The following PTPRM variants were observed in gnomAD, a reference collection of about 807,000 sequenced individuals.
PTPRM encodes receptor-type tyrosine-protein phosphatase mu.
Under a neutral mutation model 186.7 loss-of-function variants are expected in PTPRM, and 47 were observed. The ratio of observed to expected loss-of-function variants is 0.25; its 90% confidence interval spans 0.20 to 0.32. The LOEUF (loss-of-function observed/expected upper bound fraction) is 0.32, where lower values mean the gene tolerates loss of function less well. Ranked by LOEUF, PTPRM falls within the 10% of genes least tolerant of loss-of-function variation. The pLI, the probability that PTPRM is intolerant of heterozygous loss-of-function variation, is 1.00. For missense variants in PTPRM, 1,494 were observed against 1,865.0 expected (o/e 0.80, Z 3.66); for synonymous variants, 668 against 674.9 (o/e 0.99, Z 0.16).
intron 1 of PTPRM, among the ~76,000 whole-genome samples, chr18:7,722,556 T>C (rs2040467911): frequency 6.6e-6 from 1 of 152,112 alleles, no homozygotes; most frequent in Non-Finnish European, 1.5e-5. Context: ...ACTTATAAAT[T>C]GGATATAAAG....
chr18:7,793,720 G>T (rs990179953), intron 2 of PTPRM, among the ~76,000 whole-genome samples: 1 of 152,136 alleles, frequency 6.6e-6, no homozygotes, highest in Non-Finnish European at 1.5e-5. Flanking sequence ...TTCATGCCCG[G>T]CCTGTGCTCA....
chr18:7,595,230 C>A (rs1396151865), intron 1 of PTPRM, among the ~76,000 whole-genome samples: 1 of 152,156 alleles, frequency 6.6e-6, no homozygotes, highest in East Asian at 1.9e-4. Context: ...GCATGAGAAG[C>A]ATGCCTGGAG....
At chr18:8,281,038 A>G (rs764100129) in intron 19 of PTPRM, among the ~76,000 whole-genome samples, 13 of 152,228 alleles carry the variant, frequency 8.5e-5, no homozygotes, top group Non-Finnish European at 1.8e-4. Flanking sequence ...AAATACATGG[A>G]AAAGATAGAT....
chr18:8,021,220 C>T (rs776882370), intron 7 of PTPRM, among the ~76,000 whole-genome samples: 4 of 151,832 alleles, frequency 2.6e-5, no homozygotes, highest in South Asian at 2.1e-4. Context: ...TATGACATGG[C>T]GGCTTCAAAC....
At chr18:7,681,088 T>C (rs570148712) in intron 1 of PTPRM, among the ~76,000 whole-genome samples, 8 of 152,324 alleles carry the variant, frequency 5.3e-5, no homozygotes, top group African/African-American at 1.7e-4. Flanking sequence ...TTAGAAACCC[T>C]TAACTTTCTT....
chr18:8,344,446 G>GTATATATATATATA (rs1412437272), intron 23 of PTPRM, among the ~76,000 whole-genome samples: 38 of 16,612 alleles, frequency 2.3e-3, no homozygotes, highest in South Asian at 6.1e-3. Flanking sequence ...GTGTGTGTGT[G>GTATATATATATATA]TGTATATATA....
At chr18:7,947,460 A>G (rs180981861) in intron 5 of PTPRM, among the ~76,000 whole-genome samples, 2 of 150,454 alleles carry the variant, frequency 1.3e-5, no homozygotes, top group Non-Finnish European at 2.9e-5. Flanking sequence ...TTTGCATAGT[A>G]TAAATCACTG....
At chr18:7,904,407 A>T (rs1019123488) in intron 3 of PTPRM, among the ~76,000 whole-genome samples, 3 of 152,056 alleles carry the variant, frequency 2.0e-5, no homozygotes, top group African/African-American at 7.2e-5. Context: ...AAGCAAACCC[A>T]TCTCCCTCCT....
chr18:7,864,831 A>G (rs1175444988), intron 2 of PTPRM, among the ~76,000 whole-genome samples: 1 of 152,214 alleles, frequency 6.6e-6, no homozygotes, highest in African/African-American at 2.4e-5. Flanking sequence ...ATCCATGAGT[A>G]TGGAATGTTT....
intron 19 of PTPRM, among the ~76,000 whole-genome samples, chr18:8,262,470 GC>G (rs2094643786): frequency 6.6e-6 from 1 of 152,180 alleles, no homozygotes; most frequent in Admixed American, 6.5e-5. Flanking sequence ...TGCAGGCTGT[GC>G]TCTGCTTCTG....
chr18:7,728,626 C>T (rs1381342873), intron 1 of PTPRM, among the ~76,000 whole-genome samples: 2 of 152,222 alleles, frequency 1.3e-5, no homozygotes, highest in African/African-American at 4.8e-5. Flanking sequence ...GGCAGATGTT[C>T]TCCCTTTGGG....
chr18:7,813,493 G>A (rs2044639685), intron 2 of PTPRM, among the ~76,000 whole-genome samples: 1 of 152,026 alleles, frequency 6.6e-6, no homozygotes, highest in African/African-American at 2.4e-5. Flanking sequence ...CTCAAATATT[G>A]AAGACAGAGG....
At chr18:7,866,681 G>A (rs1475115538) in intron 2 of PTPRM, among the ~76,000 whole-genome samples, 4 of 152,186 alleles carry the variant, frequency 2.6e-5, no homozygotes, top group South Asian at 2.1e-4. Flanking sequence ...GGGGTGGAGA[G>A]TTCTGTAAAT....
chr18:7,912,370 C>T (rs1285811524), intron 4 of PTPRM, among the ~76,000 whole-genome samples: 1 of 152,158 alleles, frequency 6.6e-6, no homozygotes, highest in African/African-American at 2.4e-5. Context: ...CAGTTCTATT[C>T]AGTTGATCTA....
intron 1 of PTPRM, among the ~76,000 whole-genome samples, chr18:7,722,371 T>G (rs2040463275): frequency 1.3e-5 from 2 of 152,182 alleles, no homozygotes; most frequent in Non-Finnish European, 2.9e-5. Context: ...TTTAATAAGT[T>G]GTGTTGGAAC....
At chr18:8,248,317 A>G (rs780985658) in intron 17 of PTPRM, 141 bp downstream of exon 17, 16 of 843,088 alleles carry the variant, frequency 1.9e-5, no homozygotes, top group Non-Finnish European at 3.3e-5. Flanking sequence ...GGCCTGGGTC[A>G]TGGGGTTAAA....
intron 20 of PTPRM, among the ~76,000 whole-genome samples, chr18:8,303,803 C>T (rs1222343976): frequency 1.3e-5 from 2 of 152,040 alleles, no homozygotes; most frequent in African/African-American, 2.4e-5. Flanking sequence ...AGCTGGGAAC[C>T]GGGTGGAAAC....
intron 1 of PTPRM, among the ~76,000 whole-genome samples, chr18:7,682,138 G>T (rs1325546920): frequency 6.6e-6 from 1 of 152,178 alleles, no homozygotes; most frequent in Non-Finnish European, 1.5e-5. Context: ...GCAGAGCTGG[G>T]ATTCCAGTTC....
intron 13 of PTPRM, among the ~76,000 whole-genome samples, chr18:8,140,498 T>C (rs1330459328): frequency 6.6e-6 from 1 of 151,072 alleles, no homozygotes; most frequent in East Asian, 1.9e-4. Flanking sequence ...AACTGAAATC[T>C]TAATGCAATT....
Sources: gnomAD v4.1 joint callset for allele counts (sites outside exome capture counted in the v4.1 genomes callset) on GRCh38, gnomAD v4.1.1 for gene constraint, MANE v1.5 for transcripts, NCBI Gene and HGNC (gene_info 2026-07-23, HGNC 2026-07-21) for gene names.